The following MYO1E variants were observed in gnomAD, a reference collection of about 807,000 sequenced individuals.
The protein encoded by MYO1E is unconventional myosin-Ie.
A neutral mutation model predicts 151.1 loss-of-function variants in MYO1E; 68 were observed. The observed-to-expected ratio is 0.45, with a 90% confidence interval of 0.37 to 0.55. MYO1E has a LOEUF of 0.55. MYO1E is among the 20% of genes least tolerant of loss of function. MYO1E has a pLI of 0.00. For synonymous variants in MYO1E, 601 were observed against 501.7 expected (o/e 1.20, Z -2.64); for missense variants, 1,363 against 1,389.3 (o/e 0.98, Z 0.30).
chr15:59,363,271 C>CCG (rs2080895803), intron 1 of MYO1E, among the ~76,000 whole-genome samples: 1 of 152,188 alleles, frequency 6.6e-6, no homozygotes, highest in Non-Finnish European at 1.5e-5. Flanking sequence ...GCCACCATGC[C>CCG]CGGCCAGTAT....
intron 1 of MYO1E, among the ~76,000 whole-genome samples, chr15:59,275,702 G>A (rs1176511741): frequency 6.6e-6 from 1 of 152,156 alleles, no homozygotes; most frequent in Non-Finnish European, 1.5e-5. Flanking sequence ...GAGCCTTTGG[G>A]AGAACCTGAC....
At chr15:59,213,729 AG>A (rs2079895962) in intron 12 of MYO1E, among the ~76,000 whole-genome samples, 1 of 151,776 alleles carries the variant, frequency 6.6e-6, no homozygotes, top group African/African-American at 2.4e-5. Context: ...CCAAAGTGCT[AG>A]GATTACAGGC....
Position 59,207,376 on chromosome 15 carries a change from G to A in MYO1E, c.1530+1305C>T, listed in dbSNP as rs148423958. ...CTCCAACCTAGTGATTATCACAGCA[G>A]GTGCACGCCAAGAAAAGGGAGAAAC... is the stretch of plus-strand genomic sequence containing the variant. On this transcript the variant is annotated intron_variant, in intron 14 of 27. Transcript: ENST00000288235. The A allele has an allele frequency of 5.7e-4, 921 of 1,613,908 alleles. No homozygotes were observed. Among genetic ancestry groups the A allele is most frequent in the Non-Finnish European group, 7.1e-4 (837 of 1,179,922 alleles).
chr15:59,336,247 T>G (rs542910598), intron 1 of MYO1E, among the ~76,000 whole-genome samples: 27 of 151,654 alleles, frequency 1.8e-4, no homozygotes, highest in Admixed American at 1.1e-3. Flanking sequence ...GGCGTGGCCC[T>G]GTAGTCCCAG....
chr15:59,140,551 G>C lies in MYO1E; in HGVS notation c.3081-2184C>G, dbSNP rs117234380. Among the ~76,000 whole-genome samples the C allele has an allele frequency of 5.9e-3, 900 of 152,320 alleles. 20 individuals carry two copies. Among genetic ancestry groups the C allele is most frequent in the Admixed American group, 0.033 (504 of 15,308 alleles). The stretch of plus-strand genomic sequence containing the variant: ...CAGGGTGGGGCTGGCTGTTAGGTCT[G>C]TGCACATCATTCACACCTACAGGAG... On this transcript the variant is annotated intron_variant, in intron 26 of 27. Coordinates refer to ENST00000288235, the MANE Select transcript of MYO1E (RefSeq NM_004998.4).
chr15:59,206,668 G>A (rs2079836110), intron 14 of MYO1E: 4 of 461,446 alleles, frequency 8.7e-6, no homozygotes, highest in Non-Finnish European at 1.5e-5. Context: ...AGCCTCTTAA[G>A]CATGTCAACT....
intron 1 of MYO1E, among the ~76,000 whole-genome samples, chr15:59,372,033 GGA>G (rs2080948565): frequency 6.7e-6 from 1 of 150,196 alleles, no homozygotes; most frequent in Non-Finnish European, 1.5e-5. Context: ...GCGGCGGGGA[GGA>G]GAGGGAGTCG....
chr15:59,151,166 C>T (rs1596342773), intron 26 of MYO1E, among the ~76,000 whole-genome samples: 1 of 152,130 alleles, frequency 6.6e-6, no homozygotes, highest in East Asian at 1.9e-4. Context: ...GTGGCTCACG[C>T]CTGTAATCCC....
In MYO1E at chr15:59,300,458, C is replaced by A. The variant is rs143459240; in HGVS notation, c.4-28009G>T. On this transcript the variant is annotated intron_variant, in intron 1 of 27. Coordinates refer to ENST00000288235, the MANE Select transcript of MYO1E (RefSeq NM_004998.4). ...TAGAGGCTTAGAACCACTGGACACT[C>A]CCACAAACATCTTCAGACACCACCC... 2.2e-4 allele frequency among the ~76,000 whole-genome samples: 33 copies of A among 152,320 alleles called. No homozygotes were observed. The East Asian group carries it at 4.8e-3, about 22-fold the overall frequency.
rs377646665 is a variant in MYO1E, at chr15:59,287,350, C to T, written c.4-14901G>A. Among the ~76,000 whole-genome samples the T allele has an allele frequency of 1.1e-4, 16 of 152,278 alleles. No homozygotes were observed. The South Asian group carries it at 2.9e-3, about 28-fold the overall frequency. On this transcript the variant is annotated intron_variant, in intron 1 of 27. Coordinates refer to ENST00000288235, the MANE Select transcript of MYO1E (RefSeq NM_004998.4). ...TTATCTTCTATTGATGTGTCCTTCCCGACAGACTTTCTGAGGGCTACCTGC... is the reference window on the plus strand; with the variant it reads ...TTATCTTCTATTGATGTGTCCTTCCTGACAGACTTTCTGAGGGCTACCTGC...
In MYO1E at chr15:59,159,127, G is replaced by C. The variant is rs772263939; in HGVS notation, c.2786-748C>G. Reference sequence around the variant, plus strand: ...ATAAAGAGAAGAGCTGAAGAATAGAGAAGGGTAGGAGGTGACAAGGTGCAC... The same window carrying C: ...ATAAAGAGAAGAGCTGAAGAATAGACAAGGGTAGGAGGTGACAAGGTGCAC... On this transcript the variant is annotated intron_variant, in intron 24 of 27. Coordinates refer to ENST00000288235, the MANE Select transcript of MYO1E (RefSeq NM_004998.4). This position sits in a 1 kb window ranked among gnomAD's most constrained non-coding sequence, Gnocchi z 4.4. 2.0e-5 allele frequency among the ~76,000 whole-genome samples: 3 copies of C among 152,246 alleles called. No homozygotes were observed. The highest frequency in any genetic ancestry group is 4.4e-5 in the Non-Finnish European group (3 of 68,050).
intron 1 of MYO1E, among the ~76,000 whole-genome samples, chr15:59,354,649 T>G (rs1227427759): frequency 6.6e-6 from 1 of 152,186 alleles, no homozygotes; most frequent in Non-Finnish European, 1.5e-5. Flanking sequence ...GCAATGGCTC[T>G]TTGTTCGGAG....
At chr15:59,357,233 T>C (rs1036414486) in intron 1 of MYO1E, among the ~76,000 whole-genome samples, 5 of 151,766 alleles carry the variant, frequency 3.3e-5, no homozygotes, top group African/African-American at 4.8e-5. Flanking sequence ...AATAGTATCA[T>C]ATACTCAAGT....
At position 59,153,627 on chromosome 15, in the gene MYO1E, G is replaced by A; in HGVS notation, c.3043C>T (p.Leu1015=). 5.6e-6 allele frequency: 9 copies of A among 1,614,160 alleles called. No individual in the cohort carries two copies. Among genetic ancestry groups the A allele is most frequent in the Non-Finnish European group, 7.6e-6 (9 of 1,180,030 alleles). The change falls in exon 26 of 28, where the codon CTG becomes TTG. Residue 1015 remains leucine, a synonymous_variant. Transcript: ENST00000288235. ...TGGTCCGGGACCTTGAGGAAATCCA[G>A]GCTCTCTGGCGTCTGTGACACTCGG... ...SDRVSQTPES[L]DFLKVPDQGA...
rs539210862 is a variant in MYO1E, at chr15:59,302,239, G to T, written c.4-29790C>A. Among the ~76,000 whole-genome samples the T allele has an allele frequency of 5.3e-5, 8 of 152,298 alleles. No homozygotes were observed. In the East Asian group the frequency reaches 1.5e-3, roughly 29 times the overall value. ...GTTTGTGACTCAAGTAAGATTTAGG[G>T]ACATGTCCAATTAACGAAGGCACTG... On this transcript the variant is annotated intron_variant, in intron 1 of 27. Transcript: ENST00000288235.
intron 1 of MYO1E, among the ~76,000 whole-genome samples, chr15:59,343,631 T>C (rs1238566413): frequency 6.6e-6 from 1 of 152,186 alleles, no homozygotes; most frequent in Non-Finnish European, 1.5e-5. Flanking sequence ...TTAAGGCCAA[T>C]AATTCTTGGA....
rs1294962056 is a variant in MYO1E at position 59,350,906 on chromosome 15, G to C, written c.3+21592C>G. On this transcript the variant is annotated intron_variant, in intron 1 of 27. Coordinates refer to ENST00000288235, the MANE Select transcript of MYO1E (RefSeq NM_004998.4). This position sits in a 1 kb window ranked among gnomAD's most constrained non-coding sequence, Gnocchi z 5.0. ...TTGGTTGGTTGGTTTTTTGTTTTTT[G>C]TCTTTTTTGAGACGGAGTCTCGCTC... Among the ~76,000 whole-genome samples the C allele has an allele frequency of 1.3e-5, 2 of 151,996 alleles. No individual in the cohort carries two copies. Among genetic ancestry groups the C allele is most frequent in the African/African-American group, 2.4e-5 (1 of 41,384 alleles).
intron 1 of MYO1E, among the ~76,000 whole-genome samples, chr15:59,295,979 A>T (rs1356471124): frequency 6.6e-6 from 1 of 152,192 alleles, no homozygotes; most frequent in Non-Finnish European, 1.5e-5. Flanking sequence ...GGAGGAGGGA[A>T]CCAGAACCAG....
rs34550013 is a variant in MYO1E at position 59,151,889 on chromosome 15, T to TACACACACACACACACAC, written c.3080+1683_3080+1700dup. On this transcript the variant is annotated intron_variant, in intron 26 of 27. Transcript: ENST00000288235. ...AGTGAAACTCTTGTCTCTACAAAAA[T>TACACACACACACACACAC]ACACACACACACACACACACACACA... Among the ~76,000 whole-genome samples, 159 of 147,244 alleles carry TACACACACACACACACAC rather than the reference T, an allele frequency of 1.1e-3. 1 individual carries two copies. The highest frequency in any genetic ancestry group is 3.2e-3 in the African/African-American group (127 of 40,242).
Sources: gnomAD v4.1 joint callset for allele counts (sites outside exome capture counted in the v4.1 genomes callset) on GRCh38, gnomAD v4.1.1 for gene constraint, Gnocchi (gnomAD v3.1) non-coding constraint, MANE v1.5 for transcripts, NCBI Gene and HGNC (gene_info 2026-07-23, HGNC 2026-07-21) for gene names.